PRRC2A: variants seen among roughly 807,000 people sequenced by gnomAD.
The protein encoded by PRRC2A is protein PRRC2A.
A neutral mutation model predicts 224.6 loss-of-function variants in PRRC2A; 59 were observed. The ratio of observed to expected loss-of-function variants is 0.26; its 90% CI spans 0.21 to 0.33. The LOEUF is 0.33. Among genes scored for constraint, PRRC2A ranks in the 10% least tolerant of loss-of-function variants. The pLI, the probability that PRRC2A is intolerant of heterozygous loss-of-function variation, is 1.00. For synonymous variants in PRRC2A, 1,194 were observed against 1,109.5 expected, an observed-to-expected ratio of 1.08 and a Z score of -1.51; for missense variants, 3,095 against 2,880.7, an observed-to-expected ratio of 1.07 and a Z score of -1.70.
Position 31,635,235 on chromosome 6 carries a change from G to A in PRRC2A, c.5264G>A (p.Arg1755Gln), listed in dbSNP as rs572741477. The stretch of plus-strand genomic sequence containing the variant: ...CCTGGCCCCATTCGGCCATCCCATC[G>A]ACCTGGTCCCCCAGTCCAGTTTGGC... ...TEPGPIRPSHRPGPPVQFGTS... is the reference protein window; with the variant it reads ...TEPGPIRPSHQPGPPVQFGTS... The change falls in exon 22 of 31, where the codon CGA becomes CAA. Residue 1755 changes from arginine (R) to glutamine (Q), a missense_variant. Physicochemically the swap from Arg to Gln is conservative, Grantham distance 43. This residue lies in a region of PRRC2A where 662 missense variants were observed against 609.5 expected (regional missense o/e 1.09). Transcript: ENST00000376033. The A allele has an allele frequency of 9.3e-6, 15 of 1,614,186 alleles. No individual in the cohort carries two copies. The highest frequency in any genetic ancestry group is 1.1e-5 in the Non-Finnish European group (13 of 1,180,024).
chr6:31,630,762 C>A lies in PRRC2A; in HGVS notation c.2426C>A (p.Pro809His), dbSNP rs773008458. Residue 809 changes from proline (P) to histidine (H), a missense_variant, in exon 15 of 31, where the codon CCT becomes CAT. This residue lies in a region of PRRC2A where 2,001 missense variants were observed against 1,764.9 expected (regional missense o/e 1.13). Coordinates refer to ENST00000376033, the MANE Select transcript of PRRC2A (RefSeq NM_004638.4). ...TPAEPRPLTS[P>H]LRQAADEDDK... ...GCTGAACCCCGCCCACTTACCTCAC[C>A]TCTGCGCCAGGCTGCGGATGAGGAT... The A allele has an allele frequency of 5.3e-5, 86 of 1,614,092 alleles. No homozygotes were observed. The highest frequency in any genetic ancestry group is 7.2e-5 in the Non-Finnish European group (85 of 1,180,058).
rs779478590 is a variant in PRRC2A, at chr6:31,628,053, G to A, written c.1579G>A (p.Glu527Lys). Residue 527 changes from glutamate to lysine, a missense_variant, in exon 12 of 31, where the codon GAA becomes AAA. Physicochemically the swap from Glu to Lys is moderately conservative, Grantham distance 56 (BLOSUM62 1). This residue lies in a region of PRRC2A where 2,001 missense variants were observed against 1,764.9 expected (regional missense o/e 1.13). Transcript: ENST00000376033. ...TPAPPPAVPK[E>K]LPAPPAPPPA... ...AGCTCCACCACCTGCAGTCCCTAAA[G>A]AACTCCCTGCACCTCCAGCTCCACC... The A allele has an allele frequency of 6.2e-7, 1 of 1,612,732 alleles. No homozygotes were observed. Among genetic ancestry groups the A allele is most frequent in the Admixed American group, 1.7e-5 (1 of 59,998 alleles).
intron 24 of PRRC2A, 47 bp from the exon 25 acceptor site, chr6:31,635,920 T>A (rs2150535716): frequency 6.6e-7 from 1 of 1,519,876 alleles, no homozygotes; most frequent in East Asian, 2.3e-5. Flanking sequence ...ATCTTTTTTC[T>A]TGACCACAGA....
In PRRC2A at chr6:31,631,795, C is replaced by T; in HGVS notation, c.3122C>T (p.Thr1041Ile). The T allele has an allele frequency of 6.3e-7, 1 of 1,578,454 alleles. No individual in the cohort carries two copies. The highest frequency in any genetic ancestry group is 2.3e-5 in the East Asian group (1 of 44,160). Residue 1041 changes from threonine to isoleucine, a missense_variant, in exon 16 of 31, where the codon ACC (threonine) becomes ATC (isoleucine). By Grantham distance (89) the Thr-to-Ile change is moderately conservative (BLOSUM62 -1). Transcript: ENST00000376033. This position sits in a 1 kb window ranked among gnomAD's most constrained non-coding sequence, Gnocchi z 4.5. ...GCCAGAGGGAGGGGTTTTCGGGGGA[C>T]CTATGGGGGACGAGGGCGGGGAGCC... ...YFARGRGFRG[T>I]YGGRGRGARS...
chr6:31,624,825 G>C, intron 5 of PRRC2A: 1 of 517,084 alleles, frequency 1.9e-6, no homozygotes, highest in Non-Finnish European at 3.4e-6. Flanking sequence ...TTGAGACGGA[G>C]TCTCATTCTG....
chr6:31,628,185 A>AGTG lies in PRRC2A; in HGVS notation c.1719_1721dup (p.Gly574dup). ...TGTGGCTGCGGCTCCCACTCTGGTG[A>AGTG]GTGGTGGTGGCAGTACCAGTAGCAC... On this transcript the variant is annotated inframe_insertion, in exon 12 of 31. Transcript: ENST00000376033. The AGTG allele has an allele frequency of 6.2e-7, 1 of 1,612,902 alleles. No individual in the cohort carries two copies. Among genetic ancestry groups the AGTG allele is most frequent in the Non-Finnish European group, 8.5e-7 (1 of 1,180,010 alleles).
At position 31,625,653 on chromosome 6, in the gene PRRC2A, C is replaced by G; in HGVS notation, c.759+42C>G. On this transcript the variant is annotated intron_variant, in intron 7 of 30. Transcript: ENST00000376033. The surrounding 1 kb of genome is among the most constrained non-coding windows in gnomAD (Gnocchi z 4.1). ...TGTCTTGGAACGATTACACTGGAAG[C>G]TGGAGAGCTAGGAATCAGGACTTAG... 6.2e-7 allele frequency: 1 copy of G among 1,605,574 alleles called. No individual in the cohort carries two copies. The highest frequency in any genetic ancestry group is 8.5e-7 in the Non-Finnish European group (1 of 1,174,624).
Position 31,637,270 on chromosome 6 carries a change from G to A in PRRC2A, c.6279G>A (p.Thr2093=), listed in dbSNP as rs772388216. ...GCCTCAATTCCCGTCTCAAGGCCAC[G>A]CCTTCCACCTACAGTGGAGTCTTCC... is the stretch of plus-strand genomic sequence containing the variant. ...FSGLNSRLKA[T]PSTYSGVFRT... Residue 2093 remains threonine, a synonymous_variant, in exon 30 of 31, where the codon ACG becomes ACA. Coordinates refer to ENST00000376033, the MANE Select transcript of PRRC2A (RefSeq NM_004638.4). 1.5e-5 allele frequency: 24 copies of A among 1,612,384 alleles called. No homozygotes were observed. The highest frequency in any genetic ancestry group is 3.3e-5 in the Admixed American group (2 of 60,002).
In PRRC2A at chr6:31,629,607, C is replaced by T. The variant is rs745759050; in HGVS notation, c.2016C>T (p.Ala672=). The part of the protein sequence containing the change: ...HQWQQHQQGS[A]PPTPVPPSPP... Reference sequence around the variant, plus strand: ...GGCAGCAGCATCAACAGGGCTCTGCCCCTCCTACCCCAGTGCCCCCATCAC... The same window carrying T: ...GGCAGCAGCATCAACAGGGCTCTGCTCCTCCTACCCCAGTGCCCCCATCAC... Residue 672 remains alanine, a synonymous_variant, in exon 14 of 31, where the codon GCC becomes GCT. Transcript: ENST00000376033. The T allele has an allele frequency of 3.7e-6, 6 of 1,612,382 alleles. No individual in the cohort carries two copies. In the African/African-American group the frequency reaches 6.7e-5, roughly 18 times the overall value.
At position 31,630,668 on chromosome 6, in the gene PRRC2A, C is replaced by G; in HGVS notation, c.2332C>G (p.Arg778Gly). 1.9e-6 allele frequency: 3 copies of G among 1,614,060 alleles called. No individual in the cohort carries two copies. Among genetic ancestry groups the G allele is most frequent in the East Asian group, 2.2e-5 (1 of 44,886 alleles). ...PFDRHAPAML[R>G]ERGTPPVDPK... is the part of the protein sequence containing the mutation. The stretch of plus-strand genomic sequence containing the variant: ...TGACCGTCATGCACCTGCTATGTTA[C>G]GGGAACGGGGCACTCCACCGGTGGA... Residue 778 changes from arginine to glycine, a missense_variant, in exon 15 of 31, where the codon CGG (arginine) becomes GGG (glycine). Arg to Gly is a moderately radical substitution (Grantham distance 125, BLOSUM62 -2). Around this residue, in one of 8 missense-constraint regions of PRRC2A, gnomAD observed 2,001 missense variants for 1,764.9 expected, o/e 1.13. Coordinates refer to ENST00000376033, the MANE Select transcript of PRRC2A (RefSeq NM_004638.4).
rs1777270471 is a variant in PRRC2A, at chr6:31,635,817, T to G, written c.5541+68T>G. On this transcript the variant is annotated intron_variant, in intron 24 of 30. Coordinates refer to ENST00000376033, the MANE Select transcript of PRRC2A (RefSeq NM_004638.4). ...AATTTTTTTCTGCCTGGTATGTATTTATAATCAAGCCTTTCTACGTTGCAG... is the reference window on the plus strand; with the variant it reads ...AATTTTTTTCTGCCTGGTATGTATTGATAATCAAGCCTTTCTACGTTGCAG... The G allele has an allele frequency of 6.7e-6, 10 of 1,503,188 alleles. No homozygotes were observed. In the East Asian group the frequency reaches 2.3e-4, roughly 34 times the overall value. 93.1% of individuals were successfully genotyped at this position (1,503,188 alleles called of 1,614,324 possible).
intron 19 of PRRC2A, 52 bp downstream of exon 19, chr6:31,634,417 G>A (rs1287752763): frequency 5.0e-6 from 8 of 1,611,888 alleles, no homozygotes; most frequent in Non-Finnish European, 8.5e-7. Context: ...GAATGAGAGG[G>A]GCTTCTGAAC....
rs767950068 is a variant in PRRC2A, at chr6:31,633,532, T to C, written c.4473T>C (p.Thr1491=). ...TTAGTAGCCGTCAAGGGAGTGTAAC[T>C]GCACCAGGGGGTCATCCAAGGCACA... is the stretch of plus-strand genomic sequence containing the variant. ...AQLSSRQGSV[T]APGGHPRHKP... The change falls in exon 17 of 31, where the codon ACT becomes ACC. Residue 1491 remains threonine, a synonymous_variant. Coordinates refer to ENST00000376033, the MANE Select transcript of PRRC2A (RefSeq NM_004638.4). 6.2e-7 allele frequency: 1 copy of C among 1,612,992 alleles called. No individual in the cohort carries two copies. Among genetic ancestry groups the C allele is most frequent in the Non-Finnish European group, 8.5e-7 (1 of 1,180,042 alleles).
In PRRC2A at chr6:31,627,833, A is replaced by G; in HGVS notation, c.1359A>G (p.Arg453=). Residue 453 remains arginine, a synonymous_variant, in exon 12 of 31, where the codon CGA becomes CGG. Transcript: ENST00000376033. This position sits in a 1 kb window ranked among gnomAD's most constrained non-coding sequence, Gnocchi z 5.6. ...AGGATGAGGCATGGCGGCAGCGACG[A>G]AAGCAGTCGTCATCTGAGATTTCCC... ...EDEDEAWRQR[R]KQSSSEISLA... is the part of the protein sequence containing the mutation. 1 of 1,613,090 alleles carries G rather than the reference A, an allele frequency of 6.2e-7. No homozygotes were observed. The highest frequency in any genetic ancestry group is 8.5e-7 in the Non-Finnish European group (1 of 1,180,032).
chr6:31,627,278 T>C lies in PRRC2A; in HGVS notation c.1290+80T>C, dbSNP rs1212241410. On this transcript the variant is annotated intron_variant, in intron 11 of 30. Coordinates refer to ENST00000376033, the MANE Select transcript of PRRC2A (RefSeq NM_004638.4). The surrounding 1 kb of genome is among the most constrained non-coding windows in gnomAD (Gnocchi z 5.6). ...CTGAGTAATTGAAGCGGTTGTGATA[T>C]AGAGGAAGGGGGGTGCTAAAAATGG... is the stretch of plus-strand genomic sequence containing the variant. 2.5e-5 allele frequency: 26 copies of C among 1,051,940 alleles called. No individual in the cohort carries two copies. Among genetic ancestry groups the C allele is most frequent in the Non-Finnish European group, 3.4e-5 (24 of 716,326 alleles). The allele number at this position is 1,051,940 out of a possible 1,614,324, so 65.2% of individuals were successfully genotyped here.
Position 31,637,559 on chromosome 6 carries a change from G to C in PRRC2A, c.6447G>C (p.Lys2149Asn). 6.3e-7 allele frequency: 1 copy of C among 1,591,186 alleles called. No individual in the cohort carries two copies. The highest frequency in any genetic ancestry group is 8.5e-7 in the Non-Finnish European group (1 of 1,169,740). Residue 2149 changes from lysine (K) to asparagine (N), a missense_variant, in exon 31 of 31, where the codon AAG becomes AAC. Coordinates refer to ENST00000376033, the MANE Select transcript of PRRC2A (RefSeq NM_004638.4). ...AGGAGCCTGGGTCCCGAGGGGACAA[G>C]GAGCCTGGGTTGCCCCCACCCCGCT... The part of the protein sequence containing the change: ...RAEEPGSRGD[K>N]EPGLPPPR
At chr6:31,624,221 C>T (rs752166808) in intron 3 of PRRC2A, 40 bp from the exon 4 acceptor site, 3 of 1,569,404 alleles carry the variant, frequency 1.9e-6, no homozygotes, top group South Asian at 2.2e-5. Flanking sequence ...GTCAGGGAGG[C>T]ATCTCAGGTG....
Position 31,632,874 on chromosome 6 carries a change from C to T in PRRC2A, c.4201C>T (p.Pro1401Ser). ...GGAACGGCAGAATCGGCGCCCTGGC[C>T]CAGGGGGCAAGGCTGGCAGCAGTGG... is the stretch of plus-strand genomic sequence containing the variant. ...GMERQNRRPG[P>S]GGKAGSSGSS... Residue 1401 changes from proline to serine, a missense_variant, in exon 16 of 31, where the codon CCA (proline) becomes TCA (serine). Physicochemically the swap from Pro to Ser is moderately conservative, Grantham distance 74 (BLOSUM62 -1). This residue lies in a region of PRRC2A where 2,001 missense variants were observed against 1,764.9 expected (regional missense o/e 1.13). Coordinates refer to ENST00000376033, the MANE Select transcript of PRRC2A (RefSeq NM_004638.4). 1.2e-6 allele frequency: 2 copies of T among 1,612,980 alleles called. No individual in the cohort carries two copies. The highest frequency in any genetic ancestry group is 8.5e-7 in the Non-Finnish European group (1 of 1,179,980).
In PRRC2A at chr6:31,625,919, T is replaced by C. The variant is rs369412416; in HGVS notation, c.839+48T>C. On this transcript the variant is annotated intron_variant, in intron 8 of 30. Coordinates refer to ENST00000376033, the MANE Select transcript of PRRC2A (RefSeq NM_004638.4). The surrounding 1 kb of genome is among the most constrained non-coding windows in gnomAD (Gnocchi z 4.1). ...TGTGGCTGGGGGCAGGGGAAGCTTA[T>C]TGGGGGAGGAGATGGTTTTCTAGCC... The C allele has an allele frequency of 1.5e-4, 231 of 1,579,458 alleles. No homozygotes were observed. The highest frequency in any genetic ancestry group is 1.9e-4 in the Non-Finnish European group (221 of 1,152,672).
Sources: gnomAD v4.1 joint callset for allele counts on GRCh38, gnomAD v4.1.1 for gene constraint, gnomAD v4.1.1 regional missense constraint, Gnocchi (gnomAD v3.1) non-coding constraint, MANE v1.5 for transcripts, NCBI Gene and HGNC (gene_info 2026-07-23, HGNC 2026-07-21) for gene names.